WSCD2: variants seen among roughly 807,000 people sequenced by gnomAD.
The protein encoded by WSCD2 is sialate:O-sulfotransferase 2.
WSCD2 carries 28 observed loss-of-function variants against 55.7 expected under a neutral mutation model. That is an observed-to-expected ratio of 0.50 (90% CI 0.37 to 0.69). The LOEUF is 0.69. Among genes scored for constraint, WSCD2 ranks in the 30% least tolerant of loss-of-function variants. WSCD2 has a pLI of 0.00. For missense variants in WSCD2, 616 were observed against 762.1 expected, an observed-to-expected ratio of 0.81 and a Z score of 2.26; for synonymous variants, 301 against 301.9, an observed-to-expected ratio of 1.00 and a Z score of 0.03.
At chr12:108,191,844 G>T (rs1010971416) in intron 1 of WSCD2, among the ~76,000 whole-genome samples, 2 of 152,080 alleles carry the variant, frequency 1.3e-5, no homozygotes, top group Non-Finnish European at 2.9e-5. Flanking sequence ...GTGGGGGGTG[G>T]ACACAGCCCC....
At chr12:108,219,915 T>C (rs1887291875) in intron 4 of WSCD2, among the ~76,000 whole-genome samples, 1 of 152,210 alleles carries the variant, frequency 6.6e-6, no homozygotes, top group African/African-American at 2.4e-5. Flanking sequence ...AGGGTCAAGA[T>C]CTGGACATTT....
intron 1 of WSCD2, among the ~76,000 whole-genome samples, chr12:108,184,321 C>A (rs958392882): frequency 6.6e-5 from 10 of 152,316 alleles, no homozygotes; most frequent in Non-Finnish European, 1.3e-4. Flanking sequence ...CACCACCCCC[C>A]AAACACACAC....
At chr12:108,194,135 T>C (rs572578544) in intron 1 of WSCD2, among the ~76,000 whole-genome samples, 5 of 152,354 alleles carry the variant, frequency 3.3e-5, no homozygotes, top group African/African-American at 9.6e-5. Context: ...CATTTACTCA[T>C]AAAGCTGTGG....
intron 1 of WSCD2, among the ~76,000 whole-genome samples, chr12:108,194,845 G>GA (rs1170681395): frequency 6.6e-6 from 1 of 151,992 alleles, no homozygotes; most frequent in South Asian, 2.1e-4. Flanking sequence ...TGTTTGTTGG[G>GA]AAAAAAAATG....
chr12:108,181,447 T>C (rs1426828073), intron 1 of WSCD2, among the ~76,000 whole-genome samples: 1 of 152,174 alleles, frequency 6.6e-6, no homozygotes, highest in East Asian at 1.9e-4. Flanking sequence ...CTGTTCCACC[T>C]TACTCTGTGC....
At chr12:108,166,741 T>TTCCTTCCTTCCTTCCTTCC (rs1879645458) in intron 1 of WSCD2, among the ~76,000 whole-genome samples, 1 of 56,480 alleles carries the variant, frequency 1.8e-5, no homozygotes, top group African/African-American at 4.7e-5. Context: ...TCTTTCTTTC[T>TTCCTTCCTTCCTTCCTTCC]TTCCTTCTTT....
chr12:108,167,486 T>C (rs1337617664), intron 1 of WSCD2: 1 of 152,176 alleles, frequency 6.6e-6, no homozygotes, highest in Non-Finnish European at 1.5e-5. Context: ...CAGCTACAAC[T>C]TGAGTAAGAC....
chr12:108,134,874 G>A (rs958280002), intron 1 of WSCD2, among the ~76,000 whole-genome samples: 7 of 152,172 alleles, frequency 4.6e-5, no homozygotes, highest in Non-Finnish European at 1.0e-4. Flanking sequence ...ACTTGCCCAG[G>A]TGACACAGCT....
At chr12:108,150,633 C>T (rs1877883707) in intron 1 of WSCD2, among the ~76,000 whole-genome samples, 1 of 152,138 alleles carries the variant, frequency 6.6e-6, no homozygotes, top group Non-Finnish European at 1.5e-5. Context: ...GATGCAGTGA[C>T]ACAGGAGAGA....
At chr12:108,130,475 G>GGTGT (rs559546028) in intron 1 of WSCD2, among the ~76,000 whole-genome samples, 4,624 of 134,378 alleles carry the variant, frequency 0.034, 98 homozygotes, top group African/African-American at 0.059. Flanking sequence ...TCCATTCTGG[G>GGTGT]GTGTGTGTGT....
rs996762362 is a variant in WSCD2 at position 108,157,355 on chromosome 12, C to G, written c.-552+27429C>G. ...ATTATTACCTGAAGTTCATGGCATA[C>G]ATTGGAGTTCACTCTGTGTTGCACA... On this transcript the variant is annotated intron_variant, in intron 1 of 8. Coordinates refer to ENST00000547525, the MANE Select transcript of WSCD2 (RefSeq NM_014653.4). 3.3e-5 allele frequency among the ~76,000 whole-genome samples: 5 copies of G among 152,302 alleles called. No individual in the cohort carries two copies. In the East Asian group the frequency reaches 7.7e-4, roughly 24 times the overall value.
At chr12:108,136,334 G>GTCTCTTCCCCTCTTTGGGCCTCAGTT (rs1555221458) in intron 1 of WSCD2, among the ~76,000 whole-genome samples, 1 of 151,736 alleles carries the variant, frequency 6.6e-6, no homozygotes, top group East Asian at 1.9e-4. Context: ...CCTTTAGCAA[G>GTCTCTTCCCCTCTTTGGGCCTCAGTT]TCCCATCTAT....
rs144172381 is a variant in WSCD2, at chr12:108,192,388, G to A, written c.-551-2894G>A. 3.0e-4 allele frequency among the ~76,000 whole-genome samples: 45 copies of A among 152,312 alleles called. No homozygotes were observed. The East Asian group carries it at 8.5e-3, about 29-fold the overall frequency. ...AGAGGCAGGATTTGAACCCAGGTCTGTTTGCCTGTGGAGTCCACCTCTGTT... is the reference window on the plus strand; with the variant it reads ...AGAGGCAGGATTTGAACCCAGGTCTATTTGCCTGTGGAGTCCACCTCTGTT... On this transcript the variant is annotated intron_variant, in intron 1 of 8. Coordinates refer to ENST00000547525, the MANE Select transcript of WSCD2 (RefSeq NM_014653.4).
intron 1 of WSCD2, among the ~76,000 whole-genome samples, chr12:108,175,606 A>G (rs558797257): frequency 6.6e-6 from 1 of 152,350 alleles, no homozygotes; most frequent in East Asian, 1.9e-4. Flanking sequence ...CCCCAGTGTT[A>G]CTGCTCTGGG....
intron 4 of WSCD2, among the ~76,000 whole-genome samples, chr12:108,217,742 C>T (rs1297620889): frequency 6.6e-6 from 1 of 152,208 alleles, no homozygotes; most frequent in Non-Finnish European, 1.5e-5. Context: ...CCCCTCACTG[C>T]ACCCCCAGAA....
At chr12:108,131,091 C>T (rs1418150746) in intron 1 of WSCD2, among the ~76,000 whole-genome samples, 2 of 152,116 alleles carry the variant, frequency 1.3e-5, no homozygotes, top group Non-Finnish European at 1.5e-5. Context: ...ATTCCGATCT[C>T]AGGCCAAGTT....
At chr12:108,148,492 C>T (rs1877637079) in intron 1 of WSCD2, among the ~76,000 whole-genome samples, 1 of 152,154 alleles carries the variant, frequency 6.6e-6, no homozygotes, top group African/African-American at 2.4e-5. Context: ...GTTTTGGAAA[C>T]AGTTCAGTGA....
At position 108,178,341 on chromosome 12, in the gene WSCD2, AC is replaced by A. The variant is rs201029115; in HGVS notation, c.-551-16934del. ...CTATGGTGACCAGCATCTGAAAAAC[AC>A]CCCCCCTAATAAAAAGTATAATCAC... On this transcript the variant is annotated intron_variant, in intron 1 of 8. Transcript: ENST00000547525. Among the ~76,000 whole-genome samples, 234 of 151,842 alleles carry A rather than the reference AC, an allele frequency of 1.5e-3. 3 individuals carry two copies. The highest frequency in any genetic ancestry group is 5.2e-3 in the African/African-American group (216 of 41,368).
intron 1 of WSCD2, among the ~76,000 whole-genome samples, chr12:108,143,811 C>T (rs1877106187): frequency 6.6e-6 from 1 of 152,094 alleles, no homozygotes; most frequent in South Asian, 2.1e-4. Flanking sequence ...GTGGCTGTTC[C>T]CTAGCAAGCC....
Sources: gnomAD v4.1 joint callset for allele counts (sites outside exome capture counted in the v4.1 genomes callset) on GRCh38, gnomAD v4.1.1 for gene constraint, MANE v1.5 for transcripts, NCBI Gene and HGNC (gene_info 2026-07-23, HGNC 2026-07-21) for gene names.